DAB1: variants seen among roughly 807,000 people sequenced by gnomAD.
DAB1 encodes disabled homolog 1.
DAB1 carries 15 observed loss-of-function variants against 64.6 expected under a neutral mutation model. The observed-to-expected ratio is 0.23, with a 90% CI of 0.16 to 0.36. The LOEUF is 0.36. Ranked by LOEUF, DAB1 falls within the 10% of genes least tolerant of loss-of-function variation. The pLI is 1.00. For synonymous variants in DAB1, 235 were observed against 251.9 expected (o/e 0.93, Z 0.64); for missense variants, 596 against 706.7 (o/e 0.84, Z 1.78).
chr1:57,274,858 A>T (rs537003511), intron 2 of DAB1, among the ~76,000 whole-genome samples: 1 of 149,966 alleles, frequency 6.7e-6, no homozygotes, highest in South Asian at 2.1e-4. Context: ...CTGGGATTAC[A>T]TGTGTGAGCC....
intron 2 of DAB1, among the ~76,000 whole-genome samples, chr1:57,178,028 C>A (rs10489464): frequency 0.099 from 15,022 of 152,046 alleles, 1,624 homozygotes; most frequent in African/African-American, 0.26. Context: ...GGGGCTATGA[C>A]TATTTGCCTT....
intron 5 of DAB1, among the ~76,000 whole-genome samples, chr1:57,911,669 C>T (rs1644647150): frequency 6.6e-6 from 1 of 152,230 alleles, no homozygotes; most frequent in Admixed American, 6.5e-5. Flanking sequence ...CATGGCCCAG[C>T]ACCCTGGAGG....
At chr1:57,131,574 A>G (rs1174575195) in intron 4 of DAB1, among the ~76,000 whole-genome samples, 1 of 152,066 alleles carries the variant, frequency 6.6e-6, no homozygotes, top group Non-Finnish European at 1.5e-5. Flanking sequence ...TCCCTTTCTC[A>G]ACCTCAGTTG....
chr1:58,535,731 C>T (rs1646506475), intron 1 of DAB1, among the ~76,000 whole-genome samples: 1 of 152,106 alleles, frequency 6.6e-6, no homozygotes, highest in Admixed American at 6.5e-5. Flanking sequence ...AGAAAATGAC[C>T]TCTGTCCCTA....
At chr1:58,412,524 C>T (rs1644681599) in intron 3 of DAB1, among the ~76,000 whole-genome samples, 1 of 152,192 alleles carries the variant, frequency 6.6e-6, no homozygotes, top group Non-Finnish European at 1.5e-5. Context: ...CCTCCGCCCG[C>T]CCACCACATT....
At chr1:57,091,788 T>C (rs1029951444) in intron 4 of DAB1, among the ~76,000 whole-genome samples, 1 of 152,246 alleles carries the variant, frequency 6.6e-6, no homozygotes. Flanking sequence ...CAATAGCTTA[T>C]ACTATTCAAT....
intron 7 of DAB1, among the ~76,000 whole-genome samples, chr1:57,623,237 C>T (rs529273252): frequency 6.6e-6 from 1 of 152,206 alleles, no homozygotes; most frequent in South Asian, 2.1e-4. Flanking sequence ...GTGAGATCTT[C>T]CCACGGAAGG....
intron 1 of DAB1, among the ~76,000 whole-genome samples, chr1:57,370,743 CT>C (rs1363446767): frequency 6.6e-5 from 10 of 152,082 alleles, no homozygotes; most frequent in African/African-American, 2.4e-4. Flanking sequence ...ACTGAAGTGC[CT>C]TTTAATTCCA....
chr1:57,301,257 G>T (rs549050680), intron 1 of DAB1, among the ~76,000 whole-genome samples: 20 of 152,072 alleles, frequency 1.3e-4, no homozygotes, highest in Non-Finnish European at 2.5e-4. Flanking sequence ...ATTAAACAAG[G>T]CCTGGCCACA....
chr1:58,502,069 T>A (rs1190854764), intron 3 of DAB1, among the ~76,000 whole-genome samples: 2 of 152,206 alleles, frequency 1.3e-5, no homozygotes, highest in Non-Finnish European at 2.9e-5. Flanking sequence ...TAAATACTTG[T>A]TGAATGCATA....
chr1:58,134,478 C>A (rs1653828470), intron 5 of DAB1, among the ~76,000 whole-genome samples: 1 of 151,922 alleles, frequency 6.6e-6, no homozygotes, highest in Admixed American at 6.6e-5. Context: ...CATTCTCACA[C>A]TGCTATAAAG....
At chr1:58,379,056 C>G (rs1003479176) in intron 3 of DAB1, among the ~76,000 whole-genome samples, 7 of 151,700 alleles carry the variant, frequency 4.6e-5, no homozygotes, top group African/African-American at 1.7e-4. Flanking sequence ...GGTGCGCGCA[C>G]CCACTGGCCT....
At chr1:57,939,513 G>A (rs775109072) in intron 5 of DAB1, among the ~76,000 whole-genome samples, 13 of 152,068 alleles carry the variant, frequency 8.5e-5, no homozygotes, top group Non-Finnish European at 1.2e-4. Flanking sequence ...ACAAATTTCC[G>A]TTCAATTTCA....
intron 4 of DAB1, among the ~76,000 whole-genome samples, chr1:58,333,381 C>A (rs539129080): frequency 1.8e-4 from 27 of 152,002 alleles, no homozygotes; most frequent in Non-Finnish European, 3.7e-4. Flanking sequence ...TCCTCTATTC[C>A]CAGAAAAATG....
intron 2 of DAB1, among the ~76,000 whole-genome samples, chr1:57,151,668 GATA>G (rs756707291): frequency 1.3e-5 from 2 of 151,962 alleles, no homozygotes. Flanking sequence ...TTTTCAAATA[GATA>G]ATAATCTCTT....
At chr1:58,395,914 G>A (rs188913420) in intron 3 of DAB1, among the ~76,000 whole-genome samples, 2 of 152,260 alleles carry the variant, frequency 1.3e-5, no homozygotes, top group African/African-American at 4.8e-5. Context: ...CAGCTGCCTT[G>A]CCTAGAATTG....
At chr1:57,384,811 C>T (rs940628490) in intron 1 of DAB1, among the ~76,000 whole-genome samples, 2 of 152,044 alleles carry the variant, frequency 1.3e-5, no homozygotes, top group African/African-American at 4.8e-5. Context: ...AGATTGGTTG[C>T]ACAACAATGT....
chr1:57,104,727 G>A lies in DAB1; in HGVS notation c.306+31816C>T, dbSNP rs117771895. Among the ~76,000 whole-genome samples, 122 of 152,274 alleles carry A rather than the reference G, an allele frequency of 8.0e-4. 3 individuals carry two copies. In the East Asian group the frequency reaches 0.023, roughly 28 times the overall value. ...GGCATTCGGTTGAGAGAGAGGTTAG[G>A]AAATGACAGGAGGAGAGTCTTGAGA... On this transcript the variant is annotated intron_variant, in intron 4 of 14. Transcript: ENST00000371236.
chr1:57,862,366 T>C (rs1214281322), intron 1 of DAB1: 2 of 152,230 alleles, frequency 1.3e-5, no homozygotes, highest in South Asian at 2.1e-4. Flanking sequence ...TGCTTGGCTA[T>C]GAAGTATTTA....
Sources: allele counts gnomAD v4.1 joint callset (sites outside exome capture counted in the v4.1 genomes callset), GRCh38; gene constraint gnomAD v4.1.1; transcripts MANE v1.5; gene names NCBI Gene and HGNC (gene_info 2026-07-23, HGNC 2026-07-21).